EPHA6: variants seen among roughly 807,000 people sequenced by gnomAD.
EPHA6 encodes ephrin type-A receptor 6.
Under a neutral mutation model 112.0 loss-of-function variants are expected in EPHA6, and 50 were observed. That is an observed-to-expected ratio of 0.45 (90% CI 0.36 to 0.56). The LOEUF (loss-of-function observed/expected upper bound fraction) is 0.56, where lower values mean the gene tolerates loss of function less well. Ranked by LOEUF, EPHA6 falls within the 20% of genes least tolerant of loss-of-function variation. The pLI is 0.00. For missense variants in EPHA6, 1,280 were observed against 1,417.4 expected (o/e 0.90, Z 1.56); for synonymous variants, 529 against 490.7 (o/e 1.08, Z -1.03).
intron 10 of EPHA6, among the ~76,000 whole-genome samples, chr3:97,496,281 GAA>G (rs899734597): frequency 2.6e-5 from 4 of 151,402 alleles, no homozygotes; most frequent in African/African-American, 9.7e-5. Flanking sequence ...AGCCTATCAG[GAA>G]AAAAAAGTCT....
intron 2 of EPHA6, among the ~76,000 whole-genome samples, chr3:96,904,289 G>T (rs1190695316): frequency 6.6e-6 from 1 of 151,874 alleles, no homozygotes; most frequent in Admixed American, 6.6e-5. Context: ...AAAAAATGAT[G>T]AGTTCATGTC....
At chr3:96,951,648 C>G (rs755204348) in intron 2 of EPHA6, among the ~76,000 whole-genome samples, 11 of 152,028 alleles carry the variant, frequency 7.2e-5, no homozygotes, top group African/African-American at 2.7e-4. Context: ...CCTTTATGGT[C>G]CAATATAGAC....
chr3:96,939,464 A>C (rs568030333), intron 2 of EPHA6, among the ~76,000 whole-genome samples: 15 of 151,962 alleles, frequency 9.9e-5, no homozygotes, highest in Non-Finnish European at 2.2e-4. Flanking sequence ...CCCCTTTATC[A>C]TTTTTATTGC....
At chr3:96,973,143 A>G (rs2042382119) in intron 2 of EPHA6, among the ~76,000 whole-genome samples, 1 of 152,180 alleles carries the variant, frequency 6.6e-6, no homozygotes, top group South Asian at 2.1e-4. Flanking sequence ...CTTGCTATAG[A>G]AACAAAAATT....
chr3:97,559,119 G>A (rs1407194746), intron 11 of EPHA6, among the ~76,000 whole-genome samples: 1 of 151,986 alleles, frequency 6.6e-6, no homozygotes, highest in Non-Finnish European at 1.5e-5. Context: ...GTAGTATAAT[G>A]ATGACAAAAG....
At chr3:97,152,044 G>T (rs1387035240) in intron 3 of EPHA6, among the ~76,000 whole-genome samples, 1 of 151,974 alleles carries the variant, frequency 6.6e-6, no homozygotes, top group Admixed American at 6.6e-5. Context: ...TGTGGGAAGA[G>T]AAATTAAAGT....
intron 3 of EPHA6, among the ~76,000 whole-genome samples, chr3:97,038,314 C>T (rs187312735): frequency 4.7e-4 from 71 of 152,038 alleles, no homozygotes; most frequent in Admixed American, 9.8e-4. Flanking sequence ...CCTTTCCCCC[C>T]CCATGCTTCC....
At chr3:97,021,274 G>A (rs529847681) in intron 3 of EPHA6, among the ~76,000 whole-genome samples, 4 of 152,084 alleles carry the variant, frequency 2.6e-5, no homozygotes, top group Non-Finnish European at 5.9e-5. Flanking sequence ...CTTTTGCTTC[G>A]TTTTATCTTT....
intron 3 of EPHA6, among the ~76,000 whole-genome samples, chr3:97,029,301 C>G (rs1307274928): frequency 2.0e-5 from 3 of 151,186 alleles, no homozygotes; most frequent in Non-Finnish European, 4.4e-5. Context: ...TATATAATTA[C>G]ATATAAATTA....
intron 14 of EPHA6, among the ~76,000 whole-genome samples, chr3:97,716,378 C>T (rs2034225222): frequency 7.9e-6 from 1 of 125,974 alleles, no homozygotes; most frequent in African/African-American, 5.0e-5. Flanking sequence ...ACCATCCTGG[C>T]TAACAAGGTG....
chr3:96,972,899 A>G (rs1462995911), intron 2 of EPHA6, among the ~76,000 whole-genome samples: 1 of 152,222 alleles, frequency 6.6e-6, no homozygotes, highest in East Asian at 1.9e-4. Flanking sequence ...TTCAGAGGGA[A>G]GAAGATATAA....
At chr3:97,680,560 G>A (rs1199528061) in intron 14 of EPHA6, among the ~76,000 whole-genome samples, 12 of 152,276 alleles carry the variant, frequency 7.9e-5, no homozygotes, top group Admixed American at 4.6e-4. Context: ...AAACAGTTGA[G>A]TTTGCCAACC....
chr3:96,891,410 G>A (rs75836057), intron 2 of EPHA6, among the ~76,000 whole-genome samples: 3,466 of 152,218 alleles, frequency 0.023, 139 homozygotes, highest in African/African-American at 0.079. Flanking sequence ...TTGAGGTCAC[G>A]ATAAAGGTGA....
intron 2 of EPHA6, among the ~76,000 whole-genome samples, chr3:96,906,833 C>A (rs1336752075): frequency 6.6e-6 from 1 of 151,738 alleles, no homozygotes; most frequent in Non-Finnish European, 1.5e-5. Context: ...ATAGGAGAAA[C>A]CAGACCAAGG....
chr3:97,204,336 G>C (rs2077659200), intron 3 of EPHA6, among the ~76,000 whole-genome samples: 1 of 152,032 alleles, frequency 6.6e-6, no homozygotes, highest in South Asian at 2.1e-4. Context: ...ACTAGGGCCT[G>C]AATCATTACA....
intron 5 of EPHA6, among the ~76,000 whole-genome samples, chr3:97,262,027 G>GT (rs780228976): frequency 3.3e-5 from 5 of 152,160 alleles, no homozygotes; most frequent in Admixed American, 6.5e-5. Flanking sequence ...TTAGTCATAA[G>GT]TTACTCAAAC....
intron 2 of EPHA6, among the ~76,000 whole-genome samples, chr3:96,963,114 A>G (rs1477316071): frequency 6.7e-6 from 1 of 149,472 alleles, no homozygotes. Context: ...GTGAGCTGTG[A>G]TAGTGCCATT....
intron 5 of EPHA6, among the ~76,000 whole-genome samples, chr3:97,373,565 G>T (rs1577139276): frequency 6.6e-6 from 1 of 152,098 alleles, no homozygotes; most frequent in African/African-American, 2.4e-5. Context: ...GAAAATTGAT[G>T]CAAGAATGGC....
At chr3:97,350,648 C>CTGT (rs2083763635) in intron 5 of EPHA6, among the ~76,000 whole-genome samples, 1 of 152,046 alleles carries the variant, frequency 6.6e-6, no homozygotes, top group Admixed American at 6.5e-5. Flanking sequence ...ATATAACAGC[C>CTGT]TAATCAAGTG....
Sources: gnomAD v4.1 joint callset for allele counts (sites outside exome capture counted in the v4.1 genomes callset) on GRCh38, gnomAD v4.1.1 for gene constraint, MANE v1.5 for transcripts, NCBI Gene and HGNC (gene_info 2026-07-23, HGNC 2026-07-21) for gene names.